G3BP2: variants seen among roughly 807,000 people sequenced by gnomAD.
G3BP2 encodes ras GTPase-activating protein-binding protein 2.
A neutral mutation model predicts 56.7 loss-of-function variants in G3BP2; 11 were observed. The observed-to-expected ratio is 0.19, with a 90% confidence interval of 0.12 to 0.32. The LOEUF (loss-of-function observed/expected upper bound fraction) is 0.32. Ranked by LOEUF, G3BP2 falls within the 10% of genes least tolerant of loss-of-function variation. The probability of loss-of-function intolerance (pLI) is 1.00; values close to 1 mark genes in which losing one functional copy is unlikely to be tolerated. For synonymous variants in G3BP2, 165 were observed against 191.6 expected (o/e 0.86, Z 1.15); for missense variants, 340 against 610.9 (o/e 0.56, Z 4.67).
intron 1 of G3BP2, among the ~76,000 whole-genome samples, chr4:75,664,923 G>C (rs1444476607): frequency 6.6e-6 from 1 of 151,800 alleles, no homozygotes; most frequent in Non-Finnish European, 1.5e-5. Flanking sequence ...TTGGGAGGTG[G>C]AGGTGGCAGG....
chr4:75,651,457 T>A (rs1731695221), intron 8 of G3BP2, among the ~76,000 whole-genome samples: 1 of 152,178 alleles, frequency 6.6e-6, no homozygotes, highest in South Asian at 2.1e-4. Context: ...ATTTCCAACA[T>A]CTTACAAATA....
At chr4:75,673,435 C>T (rs1226185505), upstream of G3BP2, 1 of 1,232,278 alleles carries the variant, frequency 8.1e-7, no homozygotes, top group Non-Finnish European at 1.0e-6. Flanking sequence ...GCCACCGCCC[C>T]CTCTTATTGT....
chr4:75,660,464 T>A (rs1214972859), intron 2 of G3BP2, among the ~76,000 whole-genome samples: 1 of 152,178 alleles, frequency 6.6e-6, no homozygotes, highest in Non-Finnish European at 1.5e-5. Flanking sequence ...GCTTGTTTAC[T>A]TACTGAGTGA....
chr4:75,667,285 G>GT (rs1173910285), intron 1 of G3BP2, among the ~76,000 whole-genome samples: 1 of 70,336 alleles, frequency 1.4e-5, no homozygotes, highest in South Asian at 4.0e-4. Flanking sequence ...GTGAGACACT[G>GT]TTTAAAAAAA....
intron 8 of G3BP2, among the ~76,000 whole-genome samples, chr4:75,650,459 A>ATGAC (rs1416005008): frequency 6.7e-6 from 1 of 150,108 alleles, no homozygotes; most frequent in Non-Finnish European, 1.5e-5. Context: ...TCTTTCAAAA[A>ATGAC]TGACAATTTA....
At chr4:75,720,601 CCTAA>C (rs1406910303) in intron 3 of G3BP2, among the ~76,000 whole-genome samples, 2 of 151,088 alleles carry the variant, frequency 1.3e-5, no homozygotes, top group African/African-American at 4.9e-5. Context: ...TCGAGGCCAT[CCTAA>C]CTAACACGGT....
In G3BP2 at chr4:75,698,502, G is replaced by A. The variant is rs534423517; in HGVS notation, c.-25+22375C>T. On this transcript the variant is annotated intron_variant, in intron 3 of 3. Transcript: ENST00000499709. ...TTAAATTCTTGCCTACTGACTTCCA[G>A]TGGGCTGGAAGGGGTCCCTATCTCC... is the stretch of plus-strand genomic sequence containing the variant. Among the ~76,000 whole-genome samples, 80 of 152,224 alleles carry A rather than the reference G, an allele frequency of 5.3e-4. 1 individual carries two copies. Among genetic ancestry groups the A allele is most frequent in the South Asian group, 3.9e-3 (19 of 4,816 alleles).
chr4:75,709,921 A>C (rs1306979243), intron 3 of G3BP2, among the ~76,000 whole-genome samples: 22 of 152,090 alleles, frequency 1.4e-4, no homozygotes, highest in Admixed American at 1.3e-3. Context: ...CTGGGTCCTC[A>C]CTTGGGTAAG....
intron 3 of G3BP2, among the ~76,000 whole-genome samples, chr4:75,682,468 T>C (rs1560411664): frequency 1.3e-5 from 2 of 151,478 alleles, no homozygotes; most frequent in Admixed American, 6.6e-5. Flanking sequence ...TTCCATGTAA[T>C]ATTTTTGGAT....
intron 4 of G3BP2, 124 bp from the exon 5 acceptor site, chr4:75,657,138 A>G: frequency 1.7e-6 from 1 of 572,452 alleles, no homozygotes; most frequent in Non-Finnish European, 3.0e-6. Flanking sequence ...ATAATTTTCC[A>G]ATGCTGAACA....
chr4:75,660,875 CATAAT>C (rs1239384316), intron 2 of G3BP2, among the ~76,000 whole-genome samples: 1 of 152,152 alleles, frequency 6.6e-6, no homozygotes, highest in Non-Finnish European at 1.5e-5. Flanking sequence ...AAATACTACA[CATAAT>C]ATAAATCAAT....
intron 1 of G3BP2, among the ~76,000 whole-genome samples, chr4:75,663,026 T>C (rs2149005323): frequency 6.6e-6 from 1 of 152,350 alleles, no homozygotes; most frequent in South Asian, 2.1e-4. Context: ...TTACCTTTGA[T>C]ATTATGTCTC....
chr4:75,646,277 C>A, intron 11 of G3BP2, 61 bp downstream of exon 11: 1 of 770,166 alleles, frequency 1.3e-6, no homozygotes. Flanking sequence ...TTTAAATACC[C>A]CAAATTAATA....
intron 1 of G3BP2, among the ~76,000 whole-genome samples, chr4:75,669,520 C>G (rs896479780): frequency 4.6e-5 from 7 of 152,180 alleles, no homozygotes; most frequent in Admixed American, 4.6e-4. Context: ...ATCCAAACAC[C>G]TGCATTCAGT....
intron 2 of G3BP2, among the ~76,000 whole-genome samples, chr4:75,660,340 T>C (rs907554849): frequency 2.6e-5 from 4 of 152,212 alleles, no homozygotes; most frequent in South Asian, 2.1e-4. Context: ...GTTATTCATT[T>C]TGCATTTATT....
chr4:75,677,205 C>T (rs1733906593), upstream of G3BP2, among the ~76,000 whole-genome samples: 1 of 152,158 alleles, frequency 6.6e-6, no homozygotes, highest in Non-Finnish European at 1.5e-5. Context: ...TGACCATTCT[C>T]AACTTTACTG....
At chr4:75,688,725 C>T (rs997496326) in intron 3 of G3BP2, among the ~76,000 whole-genome samples, 1 of 152,174 alleles carries the variant, frequency 6.6e-6, no homozygotes, top group Non-Finnish European at 1.5e-5. Flanking sequence ...AAAGAAATTC[C>T]ACAGGGAACA....
At chr4:75,661,758 G>A (rs564244634) in intron 2 of G3BP2, 173 bp downstream of exon 2, 1 of 560,352 alleles carries the variant, frequency 1.8e-6, no homozygotes, top group Admixed American at 3.3e-5. Flanking sequence ...TTATTACTGT[G>A]AGTTGCAGTT....
intron 8 of G3BP2, among the ~76,000 whole-genome samples, chr4:75,652,755 C>T (rs1731799755): frequency 6.6e-6 from 1 of 152,152 alleles, no homozygotes; most frequent in Admixed American, 6.5e-5. Flanking sequence ...TTTTTGATCT[C>T]TAAAACAGAA....
Sources: allele counts gnomAD v4.1 joint callset (sites outside exome capture counted in the v4.1 genomes callset), GRCh38; gene constraint gnomAD v4.1.1; transcripts MANE v1.5; gene names NCBI Gene and HGNC (gene_info 2026-07-23, HGNC 2026-07-21).